Variants in SHANK2 observed in about 807,000 individuals in gnomAD.
SHANK2 encodes SH3 and multiple ankyrin repeat domains protein 2.
SHANK2 carries 43 observed loss-of-function variants against 133.7 expected under a neutral mutation model. The ratio of observed to expected loss-of-function variants is 0.32; its 90% CI spans 0.25 to 0.41. The LOEUF is 0.41. SHANK2 is among the 10% of genes least tolerant of loss of function. The probability of loss-of-function intolerance (pLI) is 1.00; values close to 1 mark genes in which losing one functional copy is unlikely to be tolerated. For synonymous variants in SHANK2, 1,017 were observed against 952.8 expected, an observed-to-expected ratio of 1.07 and a Z score of -1.24; for missense variants, 1,994 against 2,235.8, an observed-to-expected ratio of 0.89 and a Z score of 2.18.
rs782105994 is a variant in SHANK2 at position 70,486,323 on chromosome 11, G to A, written c.3970C>T (p.Leu1324=). 1 of 1,613,924 alleles carries A rather than the reference G, an allele frequency of 6.2e-7. No individual in the cohort carries two copies. Among genetic ancestry groups the A allele is most frequent in the Non-Finnish European group, 8.5e-7 (1 of 1,180,038 alleles). Residue 1324 remains leucine, a synonymous_variant, in exon 25 of 26, where the codon CTG becomes TTG. Transcript: ENST00000601538. This position sits in a 1 kb window ranked among gnomAD's most constrained non-coding sequence, Gnocchi z 8.0. ...LMVHTVDATK[L]DNALQEEDEK... is the part of the protein sequence containing the mutation. Reference sequence around the variant, plus strand: ...TCCTCTTCCTGCAGGGCGTTGTCCAGCTTAGTGGCGTCCACGGTGTGCACC... The same window carrying A: ...TCCTCTTCCTGCAGGGCGTTGTCCAACTTAGTGGCGTCCACGGTGTGCACC...
chr11:70,757,033 T>C (rs1298805860), intron 14 of SHANK2, among the ~76,000 whole-genome samples: 1 of 152,208 alleles, frequency 6.6e-6, no homozygotes, highest in African/African-American at 2.4e-5. Context: ...GCAAGGATTA[T>C]GGAGGGGAGC....
At chr11:71,159,567 T>C (rs1952969163) in intron 2 of SHANK2, among the ~76,000 whole-genome samples, 1 of 152,216 alleles carries the variant, frequency 6.6e-6, no homozygotes, top group South Asian at 2.1e-4. Flanking sequence ...CAATTGTTAT[T>C]TGCTCAATAA....
At chr11:71,100,355 C>T (rs2135159269) in intron 6 of SHANK2, among the ~76,000 whole-genome samples, 1 of 152,322 alleles carries the variant, frequency 6.6e-6, no homozygotes, top group Middle Eastern at 3.4e-3. Context: ...CCAAAAATGG[C>T]AAACAATCCA....
chr11:71,095,571 C>A (rs782194897), intron 6 of SHANK2, among the ~76,000 whole-genome samples: 1 of 152,208 alleles, frequency 6.6e-6, no homozygotes, highest in Admixed American at 6.5e-5. Context: ...CACTCGGTCT[C>A]GAAGCACATT....
At chr11:70,668,502 G>C (rs1235077330) in intron 15 of SHANK2, 1 of 152,378 alleles carries the variant, frequency 6.6e-6, no homozygotes, top group African/African-American at 2.4e-5. Context: ...TGTCATCTTG[G>C]TTTTGGACCT....
At chr11:70,582,566 G>A (rs577441894) in intron 17 of SHANK2, among the ~76,000 whole-genome samples, 5 of 152,336 alleles carry the variant, frequency 3.3e-5, no homozygotes, top group African/African-American at 9.6e-5. Context: ...GGGAGGATAC[G>A]CAAACCTCTC....
chr11:70,784,832 G>A (rs1555046080), intron 14 of SHANK2, among the ~76,000 whole-genome samples: 2 of 152,164 alleles, frequency 1.3e-5, no homozygotes, highest in Non-Finnish European at 2.9e-5. Context: ...CGGGGCCAGG[G>A]CCCACGCTCC....
At chr11:70,557,650 C>G (rs2059851211) in intron 17 of SHANK2, among the ~76,000 whole-genome samples, 1 of 152,140 alleles carries the variant, frequency 6.6e-6, no homozygotes, top group East Asian at 1.9e-4. Context: ...GGTGGGGGGC[C>G]CTCACAGCTG....
chr11:71,249,210 A>G (rs1040009260), intron 1 of SHANK2, among the ~76,000 whole-genome samples: 1 of 152,016 alleles, frequency 6.6e-6, no homozygotes. Flanking sequence ...GGTGAATGGC[A>G]AGGGGTGGGG....
intron 3 of SHANK2, among the ~76,000 whole-genome samples, chr11:71,139,595 A>G (rs1206896831): frequency 6.6e-6 from 1 of 152,242 alleles, no homozygotes; most frequent in Non-Finnish European, 1.5e-5. Flanking sequence ...ACACTCCCCC[A>G]GAAATAACAG....
intron 14 of SHANK2, among the ~76,000 whole-genome samples, chr11:70,703,286 G>C (rs1555024209): frequency 1.3e-5 from 2 of 152,244 alleles, no homozygotes; most frequent in South Asian, 4.1e-4. Context: ...CAGCCAGGAA[G>C]TGGCAGAGCC....
intron 17 of SHANK2, among the ~76,000 whole-genome samples, chr11:70,540,919 A>G (rs1015906160): frequency 4.6e-5 from 7 of 151,538 alleles, no homozygotes; most frequent in Middle Eastern, 6.9e-3. Context: ...GTCACTGAAC[A>G]CACAATGTCC....
Position 70,537,288 on chromosome 11 carries a change from T to C in SHANK2, c.2062-34357A>G, listed in dbSNP as rs190460952. ...GGCCAGCATGGCAGCCCCCAAAAGA[T>C]ATGTCCTAGTCCCCGGAACCTGTGA... is the stretch of plus-strand genomic sequence containing the variant. On this transcript the variant is annotated intron_variant, in intron 17 of 25. Coordinates refer to ENST00000601538, the MANE Select transcript of SHANK2 (RefSeq NM_012309.5). 1.1e-3 allele frequency among the ~76,000 whole-genome samples: 170 copies of C among 152,340 alleles called. 2 individuals are homozygous for C. Among genetic ancestry groups the C allele is most frequent in the South Asian group, 3.5e-3 (17 of 4,820 alleles).
chr11:71,128,100 C>T (rs1476328011), intron 3 of SHANK2, among the ~76,000 whole-genome samples: 4 of 152,232 alleles, frequency 2.6e-5, no homozygotes, highest in South Asian at 4.2e-4. Flanking sequence ...CGACTGCCCA[C>T]GGCCCTCAGG....
Position 70,798,570 on chromosome 11 carries a change from A to C in SHANK2, c.1664-14T>G. 1 of 718,510 alleles carries C rather than the reference A, an allele frequency of 1.4e-6. No homozygotes were observed. The highest frequency in any genetic ancestry group is 2.6e-6 in the Non-Finnish European group (1 of 385,050). The allele number at this position is 718,510 out of a possible 1,614,324, so 44.5% of individuals were successfully genotyped here. ...CGATGCTCAGAACTAGAGACGACAAAAAGGGAGAGGTGTTAGCAGGGGGGA... is the reference window on the plus strand; with the variant it reads ...CGATGCTCAGAACTAGAGACGACAACAAGGGAGAGGTGTTAGCAGGGGGGA... On this transcript the variant is annotated splice_polypyrimidine_tract_variant and intron_variant, in intron 13 of 25. Coordinates refer to ENST00000601538, the MANE Select transcript of SHANK2 (RefSeq NM_012309.5).
intron 10 of SHANK2, among the ~76,000 whole-genome samples, chr11:70,924,587 G>A (rs2135774696): frequency 6.6e-6 from 1 of 152,290 alleles, no homozygotes. Flanking sequence ...CTCCCGAGTA[G>A]CTGGGATTAC....
At chr11:70,590,770 A>C (rs1554987825) in intron 17 of SHANK2, among the ~76,000 whole-genome samples, 1 of 134,458 alleles carries the variant, frequency 7.4e-6, no homozygotes, top group Non-Finnish European at 1.5e-5. Context: ...CTGGGAAACC[A>C]AAAAAAAAAA....
intron 14 of SHANK2, among the ~76,000 whole-genome samples, chr11:70,733,762 AGGGCCTGG>A (rs1482387232): frequency 1.3e-5 from 2 of 152,136 alleles, no homozygotes; most frequent in African/African-American, 4.8e-5. Context: ...CCCGGGAAGG[AGGGCCTGG>A]CAGGTCTGGG....
At position 70,820,627 on chromosome 11, in the gene SHANK2, C is replaced by T. The variant is rs781906747; in HGVS notation, c.1230G>A (p.Thr410=). Residue 410 remains threonine, a synonymous_variant, in exon 12 of 26, where the codon ACG becomes ACA. Coordinates refer to ENST00000601538, the MANE Select transcript of SHANK2 (RefSeq NM_012309.5). ...YSNRRRRPPN[T]LAAPRVLLRS... is the part of the protein sequence containing the mutation. ...GCAGCAGGACCCGGGGGGCGGCCAG[C>T]GTGTTGGGGGGCCGCCGCCGGCGGT... is the stretch of plus-strand genomic sequence containing the variant. The T allele has an allele frequency of 4.4e-4, 313 of 711,108 alleles. 1 individual carries two copies. The highest frequency in any genetic ancestry group is 3.9e-4 in the Non-Finnish European group (150 of 381,410). 44.0% of individuals were successfully genotyped at this position (711,108 alleles called of 1,614,324 possible).
Sources: gnomAD v4.1 joint callset for allele counts (sites outside exome capture counted in the v4.1 genomes callset) on GRCh38, gnomAD v4.1.1 for gene constraint, Gnocchi (gnomAD v3.1) non-coding constraint, MANE v1.5 for transcripts, NCBI Gene and HGNC (gene_info 2026-07-23, HGNC 2026-07-21) for gene names.